The following SLC39A12 variants were observed in gnomAD, a reference collection of about 807,000 sequenced individuals.
The protein encoded by SLC39A12 is zinc transporter ZIP12.
SLC39A12 carries 63 observed loss-of-function variants against 71.1 expected under a neutral mutation model. The ratio of observed to expected loss-of-function variants is 0.89; its 90% CI spans 0.72 to 1.09. The LOEUF is 1.09. Ranked by LOEUF, SLC39A12 falls within the 50% of genes least tolerant of loss-of-function variation. The probability of loss-of-function intolerance (pLI) is 0.00; values close to 1 mark genes in which losing one functional copy is unlikely to be tolerated. For synonymous variants in SLC39A12, 351 were observed against 301.3 expected (o/e 1.16, Z -1.71); for missense variants, 892 against 812.6 (o/e 1.10, Z -1.19).
At chr10:18,042,266 C>T (rs1301659816) in intron 12 of SLC39A12, among the ~76,000 whole-genome samples, 3 of 151,910 alleles carry the variant, frequency 2.0e-5, no homozygotes, top group Non-Finnish European at 4.4e-5. Context: ...TTGCTTGAGC[C>T]CAGGAGCTTG....
At position 18,043,018 on chromosome 10, in the gene SLC39A12, G is replaced by C. The variant is rs1837302978; in HGVS notation, c.*185G>C. 2.8e-6 allele frequency: 1 copy of C among 359,900 alleles called. No individual in the cohort carries two copies. The highest frequency in any genetic ancestry group is 4.6e-6 in the Non-Finnish European group (1 of 218,324). The allele number at this position is 359,900 out of a possible 1,614,324, so 22.3% of individuals were successfully genotyped here. On this transcript the variant is annotated 3_prime_UTR_variant, in exon 13 of 13. Coordinates refer to ENST00000377369, the MANE Select transcript of SLC39A12 (RefSeq NM_001145195.2). ...TTTGGAAACATATAAATATCAGACTGTCCTTAATTGAAATTTTGTCTTTGG... is the reference window on the plus strand; with the variant it reads ...TTTGGAAACATATAAATATCAGACTCTCCTTAATTGAAATTTTGTCTTTGG...
chr10:17,990,081 T>A (rs1835504714), intron 7 of SLC39A12, among the ~76,000 whole-genome samples: 2 of 152,184 alleles, frequency 1.3e-5, no homozygotes, highest in South Asian at 4.1e-4. Flanking sequence ...CAGCTAAATT[T>A]GTTCAACTGA....
chr10:17,968,367 G>GA (rs201522094), intron 4 of SLC39A12, among the ~76,000 whole-genome samples: 2,407 of 152,168 alleles, frequency 0.016, 48 homozygotes, highest in African/African-American at 0.044. Context: ...GAACAAATGA[G>GA]AAAAAATATA....
At position 18,026,089 on chromosome 10, in the gene SLC39A12, T is replaced by A. The variant is rs1836669342; in HGVS notation, c.1948-16616T>A. ...TTATTAACAACTGTAACCTGTTAGA[T>A]CAACTCAGAATAAGAAAAATAAAGG... is the stretch of plus-strand genomic sequence containing the variant. On this transcript the variant is annotated intron_variant, in intron 12 of 12. Coordinates refer to ENST00000377369, the MANE Select transcript of SLC39A12 (RefSeq NM_001145195.2). Among the ~76,000 whole-genome samples, 8 of 152,324 alleles carry A rather than the reference T, an allele frequency of 5.3e-5. No individual in the cohort carries two copies. The South Asian group carries it at 1.7e-3, about 32-fold the overall frequency.
At chr10:17,991,442 C>G in intron 8 of SLC39A12, 139 bp downstream of exon 8, 1 of 588,102 alleles carries the variant, frequency 1.7e-6, no homozygotes, top group Non-Finnish European at 2.7e-6. Flanking sequence ...CAAGAATACA[C>G]AGCTCCTTCT....
chr10:18,010,742 A>G (rs771535019), intron 12 of SLC39A12, among the ~76,000 whole-genome samples: 2 of 152,134 alleles, frequency 1.3e-5, no homozygotes, highest in African/African-American at 2.4e-5. Flanking sequence ...ATACACACAC[A>G]TACACACAGA....
In SLC39A12 at chr10:18,003,263, T is replaced by C. The variant is rs745314863; in HGVS notation, c.1852T>C (p.Tyr618His). Reference sequence around the variant, plus strand: ...CTCCCTAACTGCCTTCATGGGATTATACATTGGCCTTTCCGTGTCAGCTGA... The same window carrying C: ...CTCCCTAACTGCCTTCATGGGATTACACATTGGCCTTTCCGTGTCAGCTGA... Reference protein sequence around the residue: ...ISSLTAFMGLYIGLSVSADPC... With the variant: ...ISSLTAFMGLHIGLSVSADPC... The change falls in exon 12 of 13, where the codon TAC becomes CAC. Residue 618 changes from tyrosine (Y) to histidine (H), a missense_variant. By Grantham distance (83) the Tyr-to-His change is moderately conservative. Transcript: ENST00000377369. The C allele has an allele frequency of 1.6e-5, 26 of 1,614,036 alleles. No individual in the cohort carries two copies. The Admixed American group carries it at 4.0e-4, about 25-fold the overall frequency.
At chr10:17,993,134 C>T in intron 8 of SLC39A12, 47 bp from the exon 9 acceptor site, 1 of 1,370,318 alleles carries the variant, frequency 7.3e-7, no homozygotes, top group South Asian at 1.3e-5. Flanking sequence ...AAGACTACAC[C>T]TGTGTTCTTC....
At position 17,953,411 on chromosome 10, in the gene SLC39A12, C is replaced by T. The variant is rs371382920; in HGVS notation, c.135C>T (p.Asp45=). Residue 45 remains aspartate (D), a synonymous_variant, in exon 2 of 13, where the codon GAC becomes GAT. Coordinates refer to ENST00000377369, the MANE Select transcript of SLC39A12 (RefSeq NM_001145195.2). ...GTGGGAGTTCAGGCCAACCGGCAGACCTGCTACAGGTTCTCTCTGCTGGTG... is the reference window on the plus strand; with the variant it reads ...GTGGGAGTTCAGGCCAACCGGCAGATCTGCTACAGGTTCTCTCTGCTGGTG... ...RSRGSSGQPA[D]LLQVLSAGDH... is the part of the protein sequence containing the mutation. 6.8e-6 allele frequency: 11 copies of T among 1,614,052 alleles called. No individual in the cohort carries two copies. The highest frequency in any genetic ancestry group is 8.5e-6 in the Non-Finnish European group (10 of 1,180,048).
chr10:18,036,022 C>T (rs570857549), intron 12 of SLC39A12, among the ~76,000 whole-genome samples: 5 of 152,258 alleles, frequency 3.3e-5, no homozygotes, highest in East Asian at 3.9e-4. Flanking sequence ...TCTCCAGCTG[C>T]GTGCTGGGAG....
intron 12 of SLC39A12, among the ~76,000 whole-genome samples, chr10:18,014,798 G>T (rs992816259): frequency 6.6e-6 from 1 of 152,144 alleles, no homozygotes; most frequent in Non-Finnish European, 1.5e-5. Context: ...GTGAATGCCA[G>T]GTACAAACTG....
intron 12 of SLC39A12, among the ~76,000 whole-genome samples, chr10:18,040,788 T>TAAAAAAA (rs1837203298): frequency 7.3e-6 from 1 of 136,954 alleles, no homozygotes; most frequent in African/African-American, 2.9e-5. Context: ...AAAAAAAAAG[T>TAAAAAAA]GTCAAGCCAT....
intron 6 of SLC39A12, among the ~76,000 whole-genome samples, chr10:17,985,751 A>C (rs1186639364): frequency 1.3e-5 from 2 of 151,996 alleles, no homozygotes; most frequent in Non-Finnish European, 2.9e-5. Flanking sequence ...TTTTAATCTT[A>C]TCTCTTCCCT....
intron 7 of SLC39A12, among the ~76,000 whole-genome samples, chr10:17,989,667 C>T (rs1835492163): frequency 6.6e-6 from 1 of 152,048 alleles, no homozygotes; most frequent in African/African-American, 2.4e-5. Flanking sequence ...GCCTGTAATC[C>T]CAGCACTTTG....
At chr10:18,024,967 A>G (rs1387530479) in intron 12 of SLC39A12, among the ~76,000 whole-genome samples, 2 of 151,660 alleles carry the variant, frequency 1.3e-5, no homozygotes, top group African/African-American at 4.8e-5. Context: ...TACAATCTAT[A>G]TTTTCTTTTT....
intron 4 of SLC39A12, among the ~76,000 whole-genome samples, chr10:17,966,392 C>T (rs2130786149): frequency 6.6e-6 from 1 of 152,222 alleles, no homozygotes; most frequent in Non-Finnish European, 1.5e-5. Context: ...TTCACTGTAA[C>T]CTCCAACTCT....
intron 12 of SLC39A12, among the ~76,000 whole-genome samples, chr10:18,042,349 C>T (rs540240762): frequency 9.9e-5 from 15 of 151,212 alleles, no homozygotes; most frequent in Admixed American, 2.0e-4. Flanking sequence ...TGCAATGGCA[C>T]GCACCTGGAA....
rs368314184 is a variant in SLC39A12, at chr10:18,000,639, C to G, written c.1601-28C>G. 3.7e-6 allele frequency: 6 copies of G among 1,612,160 alleles called. No homozygotes were observed. In the African/African-American group the frequency reaches 8.0e-5, roughly 22 times the overall value. ...TGAAATATGTAGTGCTCTGTTAATG[C>G]TTCTTCTGTGTTTATTTGGTTCCTT... On this transcript the variant is annotated intron_variant, in intron 10 of 12. Coordinates refer to ENST00000377369, the MANE Select transcript of SLC39A12 (RefSeq NM_001145195.2).
Position 18,000,515 on chromosome 10 carries a change from G to A in SLC39A12, c.1601-152G>A, listed in dbSNP as rs138354649. On this transcript the variant is annotated intron_variant, in intron 10 of 12. Transcript: ENST00000377369. ...GTTGGTTATCACACTTGAATCTCTA[G>A]TCCTGACTTTTGCGGAAACAAAGTG... 5.4e-5 allele frequency: 38 copies of A among 704,272 alleles called. No individual in the cohort carries two copies. The African/African-American group carries it at 6.7e-4, about 12-fold the overall frequency. The allele number at this position is 704,272 out of a possible 1,614,324, so 43.6% of individuals were successfully genotyped here.
Sources: gnomAD v4.1 joint callset for allele counts (sites outside exome capture counted in the v4.1 genomes callset) on GRCh38, gnomAD v4.1.1 for gene constraint, MANE v1.5 for transcripts, NCBI Gene and HGNC (gene_info 2026-07-23, HGNC 2026-07-21) for gene names.